Variants in CNTN1 observed in about 807,000 individuals in gnomAD.
CNTN1 encodes contactin 1.
CNTN1 carries 38 observed loss-of-function variants against 126.4 expected under a neutral mutation model. That is an observed-to-expected ratio of 0.30 (90% CI 0.23 to 0.39). CNTN1 has a LOEUF of 0.39. Among genes scored for constraint, CNTN1 ranks in the 10% least tolerant of loss-of-function variants. The pLI, the probability that CNTN1 is intolerant of heterozygous loss-of-function variation, is 1.00. For synonymous variants in CNTN1, 413 were observed against 422.6 expected, an observed-to-expected ratio of 0.98 and a Z score of 0.28; for missense variants, 1,009 against 1,248.4, an observed-to-expected ratio of 0.81 and a Z score of 2.89.
At chr12:40,787,661 G>T (rs1940075202) in intron 1 of CNTN1, among the ~76,000 whole-genome samples, 1 of 150,526 alleles carries the variant, frequency 6.6e-6, no homozygotes, top group African/African-American at 2.4e-5. Context: ...GGGATTTAGT[G>T]CCTGAGATTC....
At chr12:40,695,788 G>T (rs896818578) in intron 1 of CNTN1, among the ~76,000 whole-genome samples, 4 of 151,840 alleles carry the variant, frequency 2.6e-5, no homozygotes, top group African/African-American at 4.8e-5. Flanking sequence ...TCCTTTCTTT[G>T]TCTCCCTCTT....
chr12:40,895,005 G>A (rs1944359105), intron 1 of CNTN1, among the ~76,000 whole-genome samples: 1 of 152,100 alleles, frequency 6.6e-6, no homozygotes, highest in African/African-American at 2.4e-5. Flanking sequence ...ATATAAAAGG[G>A]TTTTGAAAGT....
chr12:40,916,146 T>C (rs1945234696), intron 3 of CNTN1, among the ~76,000 whole-genome samples: 1 of 152,156 alleles, frequency 6.6e-6, no homozygotes, highest in Non-Finnish European at 1.5e-5. Context: ...AATAAATTGT[T>C]TTAAAATAAT....
At chr12:41,056,936 A>G (rs1295959464) in intron 23 of CNTN1, among the ~76,000 whole-genome samples, 1 of 99,674 alleles carries the variant, frequency 1.0e-5, no homozygotes, top group Non-Finnish European at 2.0e-5. Flanking sequence ...GATATTTATA[A>G]ATATTTATAA....
chr12:40,704,696 A>T (rs1198635126), intron 1 of CNTN1, among the ~76,000 whole-genome samples: 1 of 152,184 alleles, frequency 6.6e-6, no homozygotes, highest in African/African-American at 2.4e-5. Context: ...AGAAATAGTC[A>T]TTTACAATAT....
At chr12:40,785,581 T>C (rs1225648129) in intron 1 of CNTN1, among the ~76,000 whole-genome samples, 1 of 152,150 alleles carries the variant, frequency 6.6e-6, no homozygotes, top group Non-Finnish European at 1.5e-5. Flanking sequence ...AGCAATGTTT[T>C]GTGGGCAGTG....
intron 9 of CNTN1, 39 bp from the exon 10 acceptor site, chr12:40,936,742 G>C (rs1485047292): frequency 2.5e-6 from 4 of 1,609,350 alleles, no homozygotes; most frequent in Non-Finnish European, 2.5e-6. Context: ...TGGATCTTGA[G>C]CCCTTCATTT....
intron 1 of CNTN1, among the ~76,000 whole-genome samples, chr12:40,860,711 C>T (rs779076034): frequency 2.0e-5 from 3 of 152,126 alleles, no homozygotes; most frequent in Admixed American, 6.6e-5. Context: ...TCTCTCTAGG[C>T]ATGCCACTCT....
At chr12:40,887,989 G>T (rs1793712254) in intron 1 of CNTN1, among the ~76,000 whole-genome samples, 1 of 131,832 alleles carries the variant, frequency 7.6e-6, no homozygotes, top group African/African-American at 2.9e-5. Context: ...ACAGGAAGGG[G>T]AACATCACAC....
At chr12:41,007,986 CT>C (rs1277515442) in intron 17 of CNTN1, among the ~76,000 whole-genome samples, 2 of 152,212 alleles carry the variant, frequency 1.3e-5, no homozygotes, top group Non-Finnish European at 2.9e-5. Context: ...CAGTTACTTT[CT>C]GCCTAAGTGA....
At chr12:40,938,032 G>A (rs1384699487) in intron 11 of CNTN1, among the ~76,000 whole-genome samples, 1 of 152,174 alleles carries the variant, frequency 6.6e-6, no homozygotes, top group African/African-American at 2.4e-5. Context: ...TTTTGAGAAT[G>A]ACCAGACCAG....
At chr12:40,753,344 C>A (rs1405022714) in intron 1 of CNTN1, among the ~76,000 whole-genome samples, 1 of 152,120 alleles carries the variant, frequency 6.6e-6, no homozygotes, top group Admixed American at 6.6e-5. Flanking sequence ...AATAGCCACT[C>A]TCTTTATTCT....
chr12:40,970,538 G>T (rs1947472667), intron 15 of CNTN1, among the ~76,000 whole-genome samples: 1 of 152,082 alleles, frequency 6.6e-6, no homozygotes, highest in Non-Finnish European at 1.5e-5. Context: ...GCTATAAAAT[G>T]GTATAATTCT....
chr12:40,770,988 C>T (rs1717854488), intron 1 of CNTN1, among the ~76,000 whole-genome samples: 2 of 152,028 alleles, frequency 1.3e-5, no homozygotes, highest in African/African-American at 2.4e-5. Flanking sequence ...GTTTTCCAAT[C>T]CTGTGAGCTG....
chr12:41,069,522 G>C (rs1950120393), intron 23 of CNTN1, among the ~76,000 whole-genome samples: 1 of 151,916 alleles, frequency 6.6e-6, no homozygotes, highest in South Asian at 2.1e-4. Context: ...TGCCATGTTG[G>C]TGTGCTGCAC....
At chr12:40,778,599 T>C (rs1234460161) in intron 1 of CNTN1, among the ~76,000 whole-genome samples, 1 of 151,858 alleles carries the variant, frequency 6.6e-6, no homozygotes, top group South Asian at 2.1e-4. Flanking sequence ...TCAAAGTATC[T>C]TTTATGAATG....
In CNTN1 at chr12:41,027,318, T is replaced by C. The variant is rs575611714; in HGVS notation, c.2711-539T>C. ...ACTTAGGGAAGATCCACAGAGAGAG[T>C]AGAAAAGGTACATAGATGAAGTCCT... On this transcript the variant is annotated intron_variant, in intron 21 of 23. Coordinates refer to ENST00000551295, the MANE Select transcript of CNTN1 (RefSeq NM_001843.4). Among the ~76,000 whole-genome samples, 12 of 148,384 alleles carry C rather than the reference T, an allele frequency of 8.1e-5. No individual in the cohort carries two copies. The East Asian group carries it at 2.0e-3, about 24-fold the overall frequency.
intron 1 of CNTN1, chr12:40,729,663 C>A: frequency 4.7e-6 from 1 of 213,516 alleles, no homozygotes; most frequent in South Asian, 8.5e-5. Context: ...CATACAGCTC[C>A]CAATGCACTC....
intron 1 of CNTN1, among the ~76,000 whole-genome samples, chr12:40,906,058 G>A (rs1475514185): frequency 3.3e-5 from 5 of 152,116 alleles, no homozygotes; most frequent in African/African-American, 1.2e-4. Flanking sequence ...GGCGGATCAC[G>A]AGGTCAGGAG....
Sources: gnomAD v4.1 joint callset for allele counts (sites outside exome capture counted in the v4.1 genomes callset) on GRCh38, gnomAD v4.1.1 for gene constraint, MANE v1.5 for transcripts, NCBI Gene and HGNC (gene_info 2026-07-23, HGNC 2026-07-21) for gene names.